ZKSCAN1: variants seen among roughly 807,000 people sequenced by gnomAD.
ZKSCAN1 encodes zinc finger protein with KRAB and SCAN domains 1.
Under a neutral mutation model 51.6 loss-of-function variants are expected in ZKSCAN1, and 14 were observed. The ratio of observed to expected loss-of-function variants is 0.27; its 90% CI spans 0.18 to 0.42. The LOEUF is 0.42. ZKSCAN1 is among the 10% of genes least tolerant of loss of function. ZKSCAN1 has a pLI of 1.00. For missense variants in ZKSCAN1, 531 were observed against 710.0 expected, an observed-to-expected ratio of 0.75 and a Z score of 2.86; for synonymous variants, 263 against 261.5, an observed-to-expected ratio of 1.01 and a Z score of -0.06.
rs1430292571 is a variant in ZKSCAN1, at chr7:100,040,045, TTTTA to T, written c.*5851_*5854del. On this transcript the variant is annotated 3_prime_UTR_variant, in exon 6 of 6. Coordinates refer to ENST00000324306, the MANE Select transcript of ZKSCAN1 (RefSeq NM_003439.4). ...AAGCAATTATTTTGCTATTCAGATT[TTTTA>T]TTATCTGAAAATGAAATTATCTGTT... The T allele has an allele frequency of 3.4e-6, 3 of 872,348 alleles. No individual in the cohort carries two copies. The African/African-American group carries it at 5.5e-5, about 16-fold the overall frequency. 54.0% of individuals were successfully genotyped at this position (872,348 alleles called of 1,614,324 possible). A position where few individuals can be genotyped will look rare whatever the true frequency, so the allele number is the denominator to read the frequency against.
downstream of ZKSCAN1, chr7:100,044,672 C>A: frequency 8.8e-6 from 5 of 570,030 alleles, no homozygotes; most frequent in Non-Finnish European, 1.1e-5. Flanking sequence ...TGGCGTGAGA[C>A]TCTATCTCAA....
intron 1 of ZKSCAN1, among the ~76,000 whole-genome samples, chr7:100,020,973 G>A (rs1417750384): frequency 6.6e-6 from 1 of 152,088 alleles, no homozygotes; most frequent in African/African-American, 2.4e-5. Flanking sequence ...TTTTGTTGTT[G>A]AAATGCAGGG....
chr7:100,024,327 T>C lies in ZKSCAN1; in HGVS notation c.580+20T>C. The C allele has an allele frequency of 1.9e-6, 3 of 1,612,908 alleles. No homozygotes were observed. The South Asian group carries it at 3.3e-5, about 18-fold the overall frequency. On this transcript the variant is annotated intron_variant, in intron 3 of 5. Coordinates refer to ENST00000324306, the MANE Select transcript of ZKSCAN1 (RefSeq NM_003439.4). The stretch of plus-strand genomic sequence containing the variant: ...CACGAGGTAAGAAGCAAGGTTTCAT[T>C]TAGGGGAAGGGAAATGATTCAGGAC...
At chr7:100,016,170 G>A (rs1790354601) in intron 1 of ZKSCAN1, among the ~76,000 whole-genome samples, 1 of 152,202 alleles carries the variant, frequency 6.6e-6, no homozygotes, top group African/African-American at 2.4e-5. Context: ...GAGGTGAAAT[G>A]AGCGGAAGGA....
chr7:100,035,464 T>G lies in ZKSCAN1; in HGVS notation c.*1267T>G, dbSNP rs1791319703. 1 of 152,176 alleles carries G rather than the reference T, an allele frequency of 6.6e-6. No individual in the cohort carries two copies. The highest frequency in any genetic ancestry group is 6.5e-5 in the Admixed American group (1 of 15,280). 9.4% of individuals were successfully genotyped at this position (152,176 alleles called of 1,614,324 possible). On this transcript the variant is annotated 3_prime_UTR_variant, in exon 6 of 6. Transcript: ENST00000324306. ...TCTGTGGCAAAGCTCTTAGAATTCT[T>G]TGCAGTTAGCTGCTGAACAGTATGA... is the stretch of plus-strand genomic sequence containing the variant.
chr7:100,024,383 T>C (rs1031846401), intron 3 of ZKSCAN1, 76 bp downstream of exon 3: 2 of 1,537,736 alleles, frequency 1.3e-6, no homozygotes, highest in Non-Finnish European at 1.8e-6. Context: ...GTGCCTGTGA[T>C]GAAGAAGCAT....
intron 1 of ZKSCAN1, among the ~76,000 whole-genome samples, chr7:100,018,245 T>A (rs1790451479): frequency 6.6e-6 from 1 of 152,128 alleles, no homozygotes; most frequent in African/African-American, 2.4e-5. Context: ...ATCGGGCTTT[T>A]AAAAAATAGT....
rs1584349696 is a variant in ZKSCAN1 at position 100,034,582 on chromosome 7, A to G, written c.*385A>G. 1.3e-5 allele frequency: 13 copies of G among 998,374 alleles called. No individual in the cohort carries two copies. Among genetic ancestry groups the G allele is most frequent in the Non-Finnish European group, 1.4e-5 (12 of 838,184 alleles). 61.8% of individuals were successfully genotyped at this position (998,374 alleles called of 1,614,324 possible). A position where few individuals can be genotyped will look rare whatever the true frequency, so the allele number is the denominator to read the frequency against. On this transcript the variant is annotated 3_prime_UTR_variant, in exon 6 of 6. Transcript: ENST00000324306. ...CCACGAAAGTGATACGGAGGTTAGG[A>G]TGCTACTTGCTGCAAACAAGCCCTA... is the stretch of plus-strand genomic sequence containing the variant.
In ZKSCAN1 at chr7:100,039,321, A is replaced by T. The variant is rs1209327913; in HGVS notation, c.*5124A>T. On this transcript the variant is annotated 3_prime_UTR_variant, in exon 6 of 6. Transcript: ENST00000324306. ...AGACTCTGTCTCAAAAAAAGAAAAAAAAAAAAGAAAGAAAGAAAGAAAATT... is the reference window on the plus strand; with the variant it reads ...AGACTCTGTCTCAAAAAAAGAAAAATAAAAAAGAAAGAAAGAAAGAAAATT... 1.0e-6 allele frequency: 1 copy of T among 963,562 alleles called. No individual in the cohort carries two copies. The highest frequency in any genetic ancestry group is 1.2e-6 in the Non-Finnish European group (1 of 818,664). The allele number at this position is 963,562 out of a possible 1,614,324, so 59.7% of individuals were successfully genotyped here.
Position 100,023,556 on chromosome 7 carries a change from C to T in ZKSCAN1, c.50C>T (p.Ala17Val). 1 of 1,613,398 alleles carries T rather than the reference C, an allele frequency of 6.2e-7. No homozygotes were observed. Among genetic ancestry groups the T allele is most frequent in the Non-Finnish European group, 8.5e-7 (1 of 1,180,004 alleles). ...GCCACGGGTCTGTCCCCACAGGCTG[C>T]ACAGGAGAAGGATGGTATCGTAATA... ...REATGLSPQAAQEKDGIVIVK... is the reference protein window; with the variant it reads ...REATGLSPQAVQEKDGIVIVK... The change falls in exon 2 of 6, where the codon GCA (alanine) becomes GTA (valine). Residue 17 changes from alanine to valine, a missense_variant. Around this residue, in one of 2 missense-constraint regions of ZKSCAN1, gnomAD observed 403 missense variants for 490.5 expected, o/e 0.82. Coordinates refer to ENST00000324306, the MANE Select transcript of ZKSCAN1 (RefSeq NM_003439.4).
rs150221427 is a variant in ZKSCAN1 at position 100,031,710 on chromosome 7, C to T, written c.799+1335C>T. 5.9e-5 allele frequency among the ~76,000 whole-genome samples: 9 copies of T among 152,336 alleles called. No homozygotes were observed. The East Asian group carries it at 1.7e-3, about 29-fold the overall frequency. ...TCCTCTGTTACTTGAGCACTGTCAGCTCTGTGTTCCTCTCCTTGTTGGATA... is the reference window on the plus strand; with the variant it reads ...TCCTCTGTTACTTGAGCACTGTCAGTTCTGTGTTCCTCTCCTTGTTGGATA... On this transcript the variant is annotated intron_variant, in intron 5 of 5. Transcript: ENST00000324306.
In ZKSCAN1 at chr7:100,023,243, G is replaced by A. The variant is rs527943238; in HGVS notation, c.-88-176G>A. Reference sequence around the variant, plus strand: ...CCAGGCTGGTCTTGAACTCCTGACCGCAGGCGATTGGCCTGCCTCGGCCTC... The same window carrying A: ...CCAGGCTGGTCTTGAACTCCTGACCACAGGCGATTGGCCTGCCTCGGCCTC... On this transcript the variant is annotated intron_variant, in intron 1 of 5. Transcript: ENST00000324306. Among the ~76,000 whole-genome samples the A allele has an allele frequency of 1.7e-3, 251 of 152,046 alleles. 4 individuals carry two copies. Among genetic ancestry groups the A allele is most frequent in the Middle Eastern group, 6.8e-3 (2 of 294 alleles).
intron 1 of ZKSCAN1, among the ~76,000 whole-genome samples, chr7:100,021,695 A>ATATT (rs1042080961): frequency 2.0e-5 from 3 of 146,934 alleles, no homozygotes; most frequent in African/African-American, 7.5e-5. Flanking sequence ...ACATCTGTTT[A>ATATT]TATTATTAGT....
intron 3 of ZKSCAN1, among the ~76,000 whole-genome samples, chr7:100,026,540 C>A (rs1255507135): frequency 6.6e-6 from 1 of 151,948 alleles, no homozygotes; most frequent in African/African-American, 2.4e-5. Context: ...CTGGTTTGGC[C>A]AACATAGTGA....
At chr7:100,021,486 G>A (rs1158090909) in intron 1 of ZKSCAN1, among the ~76,000 whole-genome samples, 1 of 152,020 alleles carries the variant, frequency 6.6e-6, no homozygotes, top group Non-Finnish European at 1.5e-5. Flanking sequence ...CATCATTTTT[G>A]GCAGTTAAAT....
In ZKSCAN1 at chr7:100,033,788, C is replaced by T. The variant is rs1201181545; in HGVS notation, c.1283C>T (p.Thr428Ile). 1 of 1,614,228 alleles carries T rather than the reference C, an allele frequency of 6.2e-7. No homozygotes were observed. The highest frequency in any genetic ancestry group is 8.5e-7 in the Non-Finnish European group (1 of 1,180,048). Residue 428 changes from threonine (T) to isoleucine (I), a missense_variant, in exon 6 of 6, where the codon ACA (threonine) becomes ATA (isoleucine). By Grantham distance (89) the Thr-to-Ile change is moderately conservative. Around this residue, in one of 2 missense-constraint regions of ZKSCAN1, gnomAD observed 128 missense variants for 219.5 expected, o/e 0.58. Transcript: ENST00000324306. The surrounding 1 kb of genome is among the most constrained non-coding windows in gnomAD (Gnocchi z 4.1). ...CTTGTCCTGCATCAGAGGATCCACA[C>T]AGGAGAGAAACCTCATGAATGTAAC... is the stretch of plus-strand genomic sequence containing the variant. ...SNLVLHQRIH[T>I]GEKPHECNEC... is the part of the protein sequence containing the mutation.
Position 100,033,546 on chromosome 7 carries a change from A to G in ZKSCAN1, c.1041A>G (p.Pro347=). ...DKKTITGERG[P]REKGKGLGRS... is the part of the protein sequence containing the mutation. ...AAACCATCACAGGAGAGAGAGGTCC[A>G]AGGGAGAAGGGGAAAGGATTGGGAA... Residue 347 remains proline, a synonymous_variant, in exon 6 of 6, where the codon CCA becomes CCG. Transcript: ENST00000324306. This position sits in a 1 kb window ranked among gnomAD's most constrained non-coding sequence, Gnocchi z 4.1. 6.2e-7 allele frequency: 1 copy of G among 1,614,178 alleles called. No individual in the cohort carries two copies. Among genetic ancestry groups the G allele is most frequent in the Non-Finnish European group, 8.5e-7 (1 of 1,180,032 alleles).
In ZKSCAN1 at chr7:100,023,845, G is replaced by C; in HGVS notation, c.339G>C (p.Gln113His). The C allele has an allele frequency of 1.2e-6, 2 of 1,614,072 alleles. No individual in the cohort carries two copies. ...QFLSILPKEL[Q>H]VWLQEYRPDS... is the part of the protein sequence containing the mutation. ...TTTCCATCCTGCCCAAGGAGCTCCA[G>C]GTCTGGCTGCAGGAATACCGCCCCG... Residue 113 changes from glutamine to histidine, a missense_variant, in exon 2 of 6, where the codon CAG (glutamine) becomes CAC (histidine). By Grantham distance (24) the Gln-to-His change is conservative. This residue lies in a region of ZKSCAN1 where 403 missense variants were observed against 490.5 expected (regional missense o/e 0.82). Transcript: ENST00000324306.
In ZKSCAN1 at chr7:100,040,208, A is replaced by G; in HGVS notation, c.*6011A>G. ...ACAGAATGTCTTAACATGAGAATTG[A>G]ATTTCATGATGTGTGGTTCCATTTA... On this transcript the variant is annotated 3_prime_UTR_variant, in exon 6 of 6. Transcript: ENST00000324306. 1 of 985,450 alleles carries G rather than the reference A, an allele frequency of 1.0e-6. No individual in the cohort carries two copies. The highest frequency in any genetic ancestry group is 1.1e-4 in the East Asian group (1 of 8,822). 61.0% of individuals were successfully genotyped at this position (985,450 alleles called of 1,614,324 possible).
Sources: gnomAD v4.1 joint callset for allele counts (sites outside exome capture counted in the v4.1 genomes callset) on GRCh38, gnomAD v4.1.1 for gene constraint, gnomAD v4.1.1 regional missense constraint, Gnocchi (gnomAD v3.1) non-coding constraint, MANE v1.5 for transcripts, NCBI Gene and HGNC (gene_info 2026-07-23, HGNC 2026-07-21) for gene names.